The following CCDC88A variants were observed in gnomAD, a reference collection of about 807,000 sequenced individuals.
The protein encoded by CCDC88A is girdin.
CCDC88A carries 54 observed loss-of-function variants against 234.3 expected under a neutral mutation model. The observed-to-expected ratio is 0.23, with a 90% CI of 0.19 to 0.29. The LOEUF is 0.29. CCDC88A is among the 10% of genes least tolerant of loss of function. The pLI is 1.00. For synonymous variants in CCDC88A, 753 were observed against 737.8 expected (o/e 1.02, Z -0.33); for missense variants, 1,832 against 2,123.4 (o/e 0.86, Z 2.70).
Position 55,317,316 on chromosome 2 carries a change from C to A in CCDC88A, c.3636G>T (p.Leu1212Phe). 2 of 1,532,144 alleles carry A rather than the reference C, an allele frequency of 1.3e-6. No homozygotes were observed. Among genetic ancestry groups the A allele is most frequent in the Non-Finnish European group, 8.8e-7 (1 of 1,135,024 alleles). 94.9% of individuals were successfully genotyped at this position (1,532,144 alleles called of 1,614,324 possible). ...YNQLLKQKGQ[L>F]EDLEKMLKVE... ...CTTTGAGCATTTTTTCCAAATCTTCCAACTGTCCTTTCTGTTTTAATAACT... is the reference window on the plus strand; with the variant it reads ...CTTTGAGCATTTTTTCCAAATCTTCAAACTGTCCTTTCTGTTTTAATAACT... The change falls in exon 21 of 33, where the codon TTG becomes TTT. Residue 1212 changes from leucine (L) to phenylalanine (F), a missense_variant. Physicochemically the swap from Leu to Phe is conservative, Grantham distance 22. Coordinates refer to ENST00000436346, the MANE Select transcript of CCDC88A (RefSeq NM_001365480.1). The surrounding 1 kb of genome is among the most constrained non-coding windows in gnomAD (Gnocchi z 4.2).
intron 3 of CCDC88A, among the ~76,000 whole-genome samples, chr2:55,385,953 G>A (rs139406354): frequency 5.9e-4 from 89 of 151,666 alleles, no homozygotes; most frequent in South Asian, 3.3e-3. Context: ...GCCAGGCATG[G>A]TGGCTCACAC....
chr2:55,344,623 G>T, intron 10 of CCDC88A, 109 bp from the exon 11 acceptor site: 1 of 548,324 alleles, frequency 1.8e-6, no homozygotes, highest in Non-Finnish European at 3.0e-6. Flanking sequence ...TTCTATGCAT[G>T]AGGAAACCTA....
At chr2:55,418,951 G>C in intron 1 of CCDC88A, 35 bp from the exon 2 acceptor site, 1 of 1,593,938 alleles carries the variant, frequency 6.3e-7, no homozygotes, top group Non-Finnish European at 8.6e-7. Flanking sequence ...CGACATGAAC[G>C]CCCACCTCCA....
intron 17 of CCDC88A, chr2:55,324,479 G>A (rs957241892): frequency 6.6e-6 from 1 of 152,232 alleles, no homozygotes; most frequent in East Asian, 1.9e-4. Context: ...GTATGTGTGT[G>A]TGTTTCTGAG....
rs1029158540 is a variant in CCDC88A, at chr2:55,418,800, A to C, written c.164+16T>G. The C allele has an allele frequency of 6.3e-7, 1 of 1,587,666 alleles. No individual in the cohort carries two copies. Among genetic ancestry groups the C allele is most frequent in the African/African-American group, 1.3e-5 (1 of 74,514 alleles). On this transcript the variant is annotated intron_variant, in intron 2 of 32. Coordinates refer to ENST00000436346, the MANE Select transcript of CCDC88A (RefSeq NM_001365480.1). ...TCTCAAAGAAAACGTTACCTAGGAA[A>C]GAAGGAAGAACTTACATTTGGAGCA...
At chr2:55,303,587 G>A (rs1681160210) in intron 25 of CCDC88A, among the ~76,000 whole-genome samples, 1 of 152,018 alleles carries the variant, frequency 6.6e-6, no homozygotes, top group Non-Finnish European at 1.5e-5. Flanking sequence ...CTCCATGTTG[G>A]TCAGGCTGGT....
intron 5 of CCDC88A, among the ~76,000 whole-genome samples, chr2:55,369,614 G>C (rs1672536437): frequency 6.6e-6 from 1 of 151,920 alleles, no homozygotes; most frequent in South Asian, 2.1e-4. Flanking sequence ...ACTATGCCCA[G>C]CTATTTTTTT....
intron 25 of CCDC88A, among the ~76,000 whole-genome samples, chr2:55,305,573 G>GCA (rs143713252): frequency 0.085 from 12,988 of 152,170 alleles, 1,288 homozygotes; most frequent in African/African-American, 0.24. Context: ...TTAAAGCCAG[G>GCA]CAGTGGTTCA....
At chr2:55,294,648 G>A (rs1679811238) in intron 31 of CCDC88A, 2 of 990,960 alleles carry the variant, frequency 2.0e-6, no homozygotes, top group Non-Finnish European at 2.4e-6. Flanking sequence ...GTGAGGGGTG[G>A]GAAGAGGAGG....
chr2:55,393,482 C>T (rs552924930), intron 2 of CCDC88A, among the ~76,000 whole-genome samples: 6 of 151,220 alleles, frequency 4.0e-5, no homozygotes, highest in South Asian at 2.1e-4. Context: ...TTAGTAGTGA[C>T]GGGGTTTCAC....
chr2:55,336,352 G>A (rs1370360), intron 14 of CCDC88A, among the ~76,000 whole-genome samples: 46,601 of 151,834 alleles, frequency 0.31, 7,561 homozygotes, highest in East Asian at 0.54. Context: ...GTAGGTCAGA[G>A]GACAGCTCCA....
In CCDC88A at chr2:55,395,946, A is replaced by C. The variant is rs1677465539; in HGVS notation, c.165-7060T>G. ...ACTAGTTACTTATAAAAACAAGGAG[A>C]CTATATTGTAGAAGTCAGATCACGT... On this transcript the variant is annotated intron_variant, in intron 2 of 32. Coordinates refer to ENST00000436346, the MANE Select transcript of CCDC88A (RefSeq NM_001365480.1). Among the ~76,000 whole-genome samples the C allele has an allele frequency of 2.6e-5, 4 of 152,322 alleles. No individual in the cohort carries two copies. The South Asian group carries it at 8.3e-4, about 32-fold the overall frequency.
intron 3 of CCDC88A, among the ~76,000 whole-genome samples, chr2:55,387,738 C>A (rs1228348334): frequency 7.2e-6 from 1 of 138,290 alleles, no homozygotes; most frequent in African/African-American, 2.8e-5. Context: ...GATGAGATTG[C>A]GCCACTGCAC....
At position 55,334,672 on chromosome 2, in the gene CCDC88A, T is replaced by C. The variant is rs765489212; in HGVS notation, c.2149A>G (p.Ser717Gly). 6.2e-7 allele frequency: 1 copy of C among 1,613,728 alleles called. No individual in the cohort carries two copies. Among genetic ancestry groups the C allele is most frequent in the African/African-American group, 1.3e-5 (1 of 74,930 alleles). Residue 717 changes from serine to glycine, a missense_variant, in exon 15 of 33, where the codon AGC becomes GGC. This residue lies in a region of CCDC88A where 1,282 missense variants were observed against 1,543.6 expected (regional missense o/e 0.83). Transcript: ENST00000436346. This position sits in a 1 kb window ranked among gnomAD's most constrained non-coding sequence, Gnocchi z 6.1. ...RRNVESLKCA[S>G]MKMAQLQLEN... ...AGCTGTAGCTGAGCCATTTTCATGC[T>C]TGCACACTTCAAAGATTCTACATTC... is the stretch of plus-strand genomic sequence containing the variant.
At chr2:55,359,535 C>T (rs945397458) in intron 7 of CCDC88A, among the ~76,000 whole-genome samples, 1 of 151,254 alleles carries the variant, frequency 6.6e-6, no homozygotes, top group Non-Finnish European at 1.5e-5. Context: ...AATAATCTGA[C>T]GGGAAATGTT....
At chr2:55,310,091 G>A (rs1229261543) in intron 23 of CCDC88A, among the ~76,000 whole-genome samples, 1 of 152,192 alleles carries the variant, frequency 6.6e-6, no homozygotes. Context: ...ACATGTTGGT[G>A]TAGTTGTAGG....
At chr2:55,342,641 A>AT (rs1396907306) in intron 12 of CCDC88A, among the ~76,000 whole-genome samples, 4 of 152,174 alleles carry the variant, frequency 2.6e-5, no homozygotes, top group Admixed American at 6.5e-5. Context: ...AAGTTCAATC[A>AT]TTGAATATCA....
At chr2:55,392,046 A>G (rs1676740272) in intron 2 of CCDC88A, among the ~76,000 whole-genome samples, 1 of 152,208 alleles carries the variant, frequency 6.6e-6, no homozygotes, top group African/African-American at 2.4e-5. Context: ...GGTTTGTCTG[A>G]TAAGACTGTG....
In CCDC88A at chr2:55,328,595, C is replaced by G; in HGVS notation, c.2856-160G>C. The G allele has an allele frequency of 2.2e-6, 1 of 454,324 alleles. No individual in the cohort carries two copies. 28.1% of individuals were successfully genotyped at this position (454,324 alleles called of 1,614,324 possible). On this transcript the variant is annotated intron_variant, in intron 16 of 32. Coordinates refer to ENST00000436346, the MANE Select transcript of CCDC88A (RefSeq NM_001365480.1). This position sits in a 1 kb window ranked among gnomAD's most constrained non-coding sequence, Gnocchi z 4.3. ...ATCCTCTTCTTACTGCCCCATTCTCCCTTTAAAACTAATCCTGGTAATGAA... is the reference window on the plus strand; with the variant it reads ...ATCCTCTTCTTACTGCCCCATTCTCGCTTTAAAACTAATCCTGGTAATGAA...
Sources: allele counts gnomAD v4.1 joint callset (sites outside exome capture counted in the v4.1 genomes callset), GRCh38; gene constraint gnomAD v4.1.1; regional missense constraint gnomAD v4.1.1; non-coding constraint Gnocchi (gnomAD v3.1); transcripts MANE v1.5; gene names NCBI Gene and HGNC (gene_info 2026-07-23, HGNC 2026-07-21).